The following SLC4A11 variants were observed in gnomAD, a reference collection of about 807,000 sequenced individuals.
The protein encoded by SLC4A11 is solute carrier family 4 member 11.
SLC4A11 carries 74 observed loss-of-function variants against 95.0 expected under a neutral mutation model. The ratio of observed to expected loss-of-function variants is 0.78; its 90% CI spans 0.65 to 0.95. The LOEUF is 0.95. Ranked by LOEUF, SLC4A11 falls within the 40% of genes least tolerant of loss-of-function variation. The pLI is 0.00. For synonymous variants in SLC4A11, 548 were observed against 519.0 expected (o/e 1.06, Z -0.76); for missense variants, 1,081 against 1,192.4 (o/e 0.91, Z 1.38).
Position 3,230,747 on chromosome 20 carries a change from C to G in SLC4A11, c.1267G>C (p.Ala423Pro). Residue 423 changes from alanine to proline, a missense_variant, in exon 11 of 20, where the codon GCG becomes CCG. Ala to Pro is a conservative substitution (Grantham distance 27, BLOSUM62 -1). Around this residue, in one of 3 missense-constraint regions of SLC4A11, gnomAD observed 767 missense variants for 858.0 expected, o/e 0.89. Transcript: ENST00000642402. Reference protein sequence around the residue: ...LVILLTTAPLALYIQVIRVIC... With the variant: ...LVILLTTAPLPLYIQVIRVIC... ...CCCACTGCACCCTGGATGTAGAGCG[C>G]CAGGGGCGCGGTGGTCAGCAGAATC... 6.2e-7 allele frequency: 1 copy of G among 1,613,302 alleles called. No homozygotes were observed. Among genetic ancestry groups the G allele is most frequent in the Non-Finnish European group, 8.5e-7 (1 of 1,180,000 alleles).
Position 3,233,630 on chromosome 20 carries a change from T to A in SLC4A11, c.613A>T (p.Met205Leu), listed in dbSNP as rs748653831. 5 of 1,612,590 alleles carry A rather than the reference T, an allele frequency of 3.1e-6. No individual in the cohort carries two copies. Among genetic ancestry groups the A allele is most frequent in the South Asian group, 1.1e-5 (1 of 91,090 alleles). ...ACGTGCCGCTTCTGTAGGGCCTTCATGGTACAGCTGGCAGGGGCGGGGAGG... is the reference window on the plus strand; with the variant it reads ...ACGTGCCGCTTCTGTAGGGCCTTCAAGGTACAGCTGGCAGGGGCGGGGAGG... ...QQSWLCIICTMKALQKRHVCI... is the reference protein window; with the variant it reads ...QQSWLCIICTLKALQKRHVCI... Residue 205 changes from methionine to leucine, a missense_variant, in exon 7 of 20, where the codon ATG (methionine) becomes TTG (leucine). By Grantham distance (15) the Met-to-Leu change is conservative. Transcript: ENST00000642402.
Position 3,229,200 on chromosome 20 carries a change from G to A in SLC4A11, c.1913C>T (p.Ser638Phe). Residue 638 changes from serine to phenylalanine, a missense_variant, in exon 16 of 20, where the codon TCC becomes TTC. By Grantham distance (155) the Ser-to-Phe change is radical. Coordinates refer to ENST00000642402, the MANE Select transcript of SLC4A11 (RefSeq NM_001174089.2). ...PFAMAQIQSL[S>F]LRAVSGAMGL... The stretch of plus-strand genomic sequence containing the variant: ...CATGGCACCGCTGACGGCCCTCAGG[G>A]ACAGCGACTGGATCTGCGCCATCGC... The A allele has an allele frequency of 6.2e-7, 1 of 1,612,710 alleles. No homozygotes were observed. Among genetic ancestry groups the A allele is most frequent in the Non-Finnish European group, 8.5e-7 (1 of 1,180,014 alleles).
Position 3,237,576 on chromosome 20 carries a change from G to T in SLC4A11, c.56C>A (p.Thr19Asn). Reference protein sequence around the residue: ...FHLQPCENSPTMSQNGYFEDS... With the variant: ...FHLQPCENSPNMSQNGYFEDS... ...CTCGAAGTATCCATTCTGCGACATG[G>T]TGGGAGAGTTTTCTGCAAGGGAAGC... Residue 19 changes from threonine (T) to asparagine (N), a missense_variant, in exon 2 of 20, where the codon ACC becomes AAC. Transcript: ENST00000642402. The T allele has an allele frequency of 1.2e-6, 2 of 1,614,068 alleles. No homozygotes were observed. The highest frequency in any genetic ancestry group is 1.3e-5 in the African/African-American group (1 of 75,034).
chr20:3,239,096 G>T lies in SLC4A11; in HGVS notation c.42C>A (p.Cys14Ter). The change falls in exon 1 of 20, where the codon TGC becomes TGA. Residue 14 changes from cysteine to a stop codon, truncating the protein, a stop_gained and splice_region_variant. Coordinates refer to ENST00000642402, the MANE Select transcript of SLC4A11 (RefSeq NM_001174089.2). LOFTEE classifies it high-confidence loss of function. ...GCGCCCCCGGGTTCAGGCACCCACCGCACGGCTGCAGATGGAACACGCGCC... is the reference window on the plus strand; with the variant it reads ...GCGCCCCCGGGTTCAGGCACCCACCTCACGGCTGCAGATGGAACACGCGCC... ...ATRRVFHLQP[C>*]ENSPTMSQNG... 6.8e-7 allele frequency: 1 copy of T among 1,476,930 alleles called. No individual in the cohort carries two copies. Among genetic ancestry groups the T allele is most frequent in the Non-Finnish European group, 8.9e-7 (1 of 1,118,548 alleles). The allele number at this position is 1,476,930 out of a possible 1,614,324, so 91.5% of individuals were successfully genotyped here.
In SLC4A11 at chr20:3,231,188, C is replaced by A. The variant is rs141426484; in HGVS notation, c.1003G>T (p.Ala335Ser). The A allele has an allele frequency of 6.8e-6, 11 of 1,614,038 alleles. No homozygotes were observed. Among genetic ancestry groups the A allele is most frequent in the South Asian group, 5.5e-5 (5 of 91,080 alleles). Residue 335 changes from alanine to serine, a missense_variant, in exon 9 of 20, where the codon GCA becomes TCA. Coordinates refer to ENST00000642402, the MANE Select transcript of SLC4A11 (RefSeq NM_001174089.2). This position sits in a 1 kb window ranked among gnomAD's most constrained non-coding sequence, Gnocchi z 5.2. ...PFGKGIREDI[A>S]RRFPLYPLDF... ...AAGGGGTACAAGGGGAACCTGCGTG[C>A]GATGTCCTCCCGGATGCCCTTCCCA... is the stretch of plus-strand genomic sequence containing the variant.
intron 2 of SLC4A11, among the ~76,000 whole-genome samples, chr20:3,236,972 T>G (rs1162828299): frequency 6.6e-6 from 1 of 152,112 alleles, no homozygotes; most frequent in African/African-American, 2.4e-5. Flanking sequence ...CCCCATGTCC[T>G]GAGGGCTCTG....
Position 3,233,910 on chromosome 20 carries a change from T to C in SLC4A11, c.605+11A>G. ...CGACAAGAAGGGGGGCCAAGTGGCCTGGCAACTCACATGATGCAGAGCCAC... is the reference window on the plus strand; with the variant it reads ...CGACAAGAAGGGGGGCCAAGTGGCCCGGCAACTCACATGATGCAGAGCCAC... On this transcript the variant is annotated intron_variant, in intron 6 of 19. Coordinates refer to ENST00000642402, the MANE Select transcript of SLC4A11 (RefSeq NM_001174089.2). 1 of 1,612,346 alleles carries C rather than the reference T, an allele frequency of 6.2e-7. No homozygotes were observed. The highest frequency in any genetic ancestry group is 1.1e-5 in the South Asian group (1 of 91,026).
In SLC4A11 at chr20:3,231,240, G is replaced by A; in HGVS notation, c.951C>T (p.Pro317=). The part of the protein sequence containing the change: ...VSLPAHRHPE[P]PKCKDFVPFG... ...AAGGGACAAAGTCCTTGCACTTTGG[G>A]GGCTGGAGGAGAGGACAGAGCGCCT... Residue 317 remains proline, a splice_region_variant and synonymous_variant, in exon 9 of 20, where the codon CCC becomes CCT. Coordinates refer to ENST00000642402, the MANE Select transcript of SLC4A11 (RefSeq NM_001174089.2). The surrounding 1 kb of genome is among the most constrained non-coding windows in gnomAD (Gnocchi z 5.2). 6.2e-7 allele frequency: 1 copy of A among 1,613,950 alleles called. No homozygotes were observed. Among genetic ancestry groups the A allele is most frequent in the Non-Finnish European group, 8.5e-7 (1 of 1,180,018 alleles).
Position 3,239,177 on chromosome 20 carries a change from G to T in SLC4A11, c.-40C>A, listed in dbSNP as rs1174902547. ...CTCACGGCCGGGCTCCTCACGCGGC[G>T]CTCCGGCGCTTCTGGACCCCAAACT... On this transcript the variant is annotated 5_prime_UTR_variant, in exon 1 of 20. Coordinates refer to ENST00000642402, the MANE Select transcript of SLC4A11 (RefSeq NM_001174089.2). The T allele has an allele frequency of 2.1e-6, 3 of 1,429,452 alleles. No homozygotes were observed. In the East Asian group the frequency reaches 9.4e-5, roughly 45 times the overall value. The allele number at this position is 1,429,452 out of a possible 1,614,324, so 88.5% of individuals were successfully genotyped here. A position where few individuals can be genotyped will look rare whatever the true frequency, so the allele number is the denominator to read the frequency against.
rs2067774478 is a variant in SLC4A11 at position 3,231,434 on chromosome 20, A to C, written c.844T>G (p.Leu282Val). The stretch of plus-strand genomic sequence containing the variant: ...GTGAGCAGCTGTCTCTGATGCACCA[A>C]GGCCTCCTTGAATTCCTCCTCTGTG... ...TRTEEEFKEALVHQRQLLTMV... is the reference protein window; with the variant it reads ...TRTEEEFKEAVVHQRQLLTMV... The change falls in exon 8 of 20, where the codon TTG becomes GTG. Residue 282 changes from leucine (L) to valine (V), a missense_variant. Around this residue, in one of 3 missense-constraint regions of SLC4A11, gnomAD observed 767 missense variants for 858.0 expected, o/e 0.89. Transcript: ENST00000642402. The surrounding 1 kb of genome is among the most constrained non-coding windows in gnomAD (Gnocchi z 5.2). The C allele has an allele frequency of 6.2e-7, 1 of 1,614,014 alleles. No homozygotes were observed. Among genetic ancestry groups the C allele is most frequent in the South Asian group, 1.1e-5 (1 of 91,076 alleles).
Position 3,234,428 on chromosome 20 carries a change from G to GCCCCCAC in SLC4A11, c.292-115_292-114insGTGGGGG. ...TCCAGCCCCCAGCCCCCAGCCCCCA[G>GCCCCCAC]CCCTGGGCTGGTGCGAGCTCCCTGT... On this transcript the variant is annotated intron_variant, in intron 4 of 19. Transcript: ENST00000642402. The surrounding 1 kb of genome is among the most constrained non-coding windows in gnomAD (Gnocchi z 5.8). 4 of 1,509,016 alleles carry GCCCCCAC rather than the reference G, an allele frequency of 2.7e-6. No homozygotes were observed. The highest frequency in any genetic ancestry group is 3.4e-5 in the Admixed American group (2 of 59,456). 93.5% of individuals were successfully genotyped at this position (1,509,016 alleles called of 1,614,324 possible).
intron 1 of SLC4A11, chr20:3,238,684 G>A (rs894683732): frequency 1.1e-4 from 113 of 1,000,916 alleles, no homozygotes; most frequent in Non-Finnish European, 1.3e-4. Flanking sequence ...CCGCGGCGCC[G>A]GACGGGAAGA....
At position 3,228,723 on chromosome 20, in the gene SLC4A11, C is replaced by A. The variant is rs541696073; in HGVS notation, c.2193-16G>T. On this transcript the variant is annotated splice_polypyrimidine_tract_variant and intron_variant, in intron 17 of 19. Coordinates refer to ENST00000642402, the MANE Select transcript of SLC4A11 (RefSeq NM_001174089.2). The stretch of plus-strand genomic sequence containing the variant: ...GTTCACAATCCTGCGGTGGCCCGAG[C>A]CGCGAGTGTCACCTCTGCGCCCCTG... The A allele has an allele frequency of 2.5e-6, 4 of 1,612,658 alleles. No individual in the cohort carries two copies. In the African/African-American group the frequency reaches 5.3e-5, roughly 21 times the overall value.
intron 1 of SLC4A11, chr20:3,238,889 C>T: frequency 8.0e-7 from 1 of 1,251,846 alleles, no homozygotes; most frequent in Non-Finnish European, 1.0e-6. Context: ...CTAATGAAAC[C>T]AAGCGCGCGG....
chr20:3,227,727 C>T lies in SLC4A11; in HGVS notation c.*60G>A, dbSNP rs2067576472. 6.3e-7 allele frequency: 1 copy of T among 1,579,656 alleles called. No individual in the cohort carries two copies. Among genetic ancestry groups the T allele is most frequent in the African/African-American group, 1.3e-5 (1 of 74,466 alleles). ...ACACCTACACCTCCCCTCACAGCTC[C>T]AGAGCCAGCCTGGGAGGACGTGGAG... On this transcript the variant is annotated 3_prime_UTR_variant, in exon 20 of 20. Transcript: ENST00000642402.
At chr20:3,228,228 C>T (rs369368555) in intron 19 of SLC4A11, 31 bp downstream of exon 19, 4 of 1,437,146 alleles carry the variant, frequency 2.8e-6, no homozygotes, top group Non-Finnish European at 2.8e-6. Context: ...CTAGACTGGG[C>T]CCCTCCTGCC....
Position 3,233,837 on chromosome 20 carries a change from G to C in SLC4A11, c.605+84C>G, listed in dbSNP as rs2067866241. 35 of 1,545,742 alleles carry C rather than the reference G, an allele frequency of 2.3e-5. No individual in the cohort carries two copies. The South Asian group carries it at 3.8e-4, about 17-fold the overall frequency. On this transcript the variant is annotated intron_variant, in intron 6 of 19. Coordinates refer to ENST00000642402, the MANE Select transcript of SLC4A11 (RefSeq NM_001174089.2). ...GCCAGAGCCCCAGGACTCACAGGTG[G>C]GCTGGCCTCTGCAGGGCACAGGGGA...
At position 3,230,969 on chromosome 20, in the gene SLC4A11, C is replaced by T. The variant is rs780171125; in HGVS notation, c.1132G>A (p.Gly378Arg). The change falls in exon 10 of 20, where the codon GGG becomes AGG. Residue 378 changes from glycine to arginine, a missense_variant. Around this residue, in one of 3 missense-constraint regions of SLC4A11, gnomAD observed 767 missense variants for 858.0 expected, o/e 0.89. Transcript: ENST00000642402. ...TCTGTGTTCTCGTCATTGAGAGACCCGAAAGCGATGGTGGGCAGGAGGCAG... is the reference window on the plus strand; with the variant it reads ...TCTGTGTTCTCGTCATTGAGAGACCTGAAAGCGATGGTGGGCAGGAGGCAG... ...FACLLPTIAF[G>R]SLNDENTDGA... 18 of 1,613,738 alleles carry T rather than the reference C, an allele frequency of 1.1e-5. No homozygotes were observed. Among genetic ancestry groups the T allele is most frequent in the African/African-American group, 1.3e-5 (1 of 74,890 alleles).
chr20:3,238,206 G>A (rs969300880), intron 1 of SLC4A11: 1 of 1,419,600 alleles, frequency 7.0e-7, no homozygotes, highest in Non-Finnish European at 9.2e-7. Context: ...ATTGGGGGTG[G>A]GAGGAGTATC....
Sources: gnomAD v4.1 joint callset for allele counts (sites outside exome capture counted in the v4.1 genomes callset) on GRCh38, gnomAD v4.1.1 for gene constraint, gnomAD v4.1.1 regional missense constraint, Gnocchi (gnomAD v3.1) non-coding constraint, MANE v1.5 for transcripts, NCBI Gene and HGNC (gene_info 2026-07-23, HGNC 2026-07-21) for gene names.